The following GREB1 variants were observed in gnomAD, a reference collection of about 807,000 sequenced individuals.
GREB1 encodes the protein growth regulating estrogen receptor binding 1.
Under a neutral mutation model 200.7 loss-of-function variants are expected in GREB1, and 106 were observed. The ratio of observed to expected loss-of-function variants is 0.53; its 90% CI spans 0.45 to 0.62. The LOEUF is 0.62. GREB1 is among the 20% of genes least tolerant of loss of function. The probability of loss-of-function intolerance (pLI) is 0.00; values close to 1 mark genes in which losing one functional copy is unlikely to be tolerated. For synonymous variants in GREB1, 1,132 were observed against 1,092.4 expected (o/e 1.04, Z -0.72); for missense variants, 2,243 against 2,556.8 (o/e 0.88, Z 2.65).
chr2:11,630,161 C>T, intron 26 of GREB1, 52 bp downstream of exon 26: 2 of 1,572,454 alleles, frequency 1.3e-6, no homozygotes, highest in Non-Finnish European at 1.7e-6. Flanking sequence ...CAACTGGGGA[C>T]TGAGCCGGGG....
In GREB1 at chr2:11,492,606, G is replaced by A. The variant is rs1672796814; in HGVS notation, c.-159+10225G>A. Reference sequence around the variant, plus strand: ...AGTTCCCACTCACTGGGGCCTGTGAGTGCATGAATGGGGGTGGGGACAGTG... The same window carrying A: ...AGTTCCCACTCACTGGGGCCTGTGAATGCATGAATGGGGGTGGGGACAGTG... On this transcript the variant is annotated intron_variant, in intron 1 of 2. Transcript: ENST00000628795. This position sits in a 1 kb window ranked among gnomAD's most constrained non-coding sequence, Gnocchi z 4.0. Among the ~76,000 whole-genome samples the A allele has an allele frequency of 6.6e-6, 1 of 152,226 alleles. No homozygotes were observed. The highest frequency in any genetic ancestry group is 6.5e-5 in the Admixed American group (1 of 15,282).
chr2:11,574,932 A>G (rs1011951133), intron 4 of GREB1, among the ~76,000 whole-genome samples: 3 of 152,280 alleles, frequency 2.0e-5, no homozygotes, highest in Middle Eastern at 3.2e-3. Flanking sequence ...TAACTGTCCT[A>G]TGGCGAGGCC....
At chr2:11,545,786 A>G (rs577539788) in intron 1 of GREB1, among the ~76,000 whole-genome samples, 4 of 152,342 alleles carry the variant, frequency 2.6e-5, no homozygotes, top group Non-Finnish European at 5.9e-5. Flanking sequence ...AAGTAAGGTT[A>G]CAAATGGAAA....
At chr2:11,485,614 T>C (rs1251761935) in intron 1 of GREB1, among the ~76,000 whole-genome samples, 1 of 152,216 alleles carries the variant, frequency 6.6e-6, no homozygotes, top group African/African-American at 2.4e-5. Flanking sequence ...CACTTGTCAC[T>C]TTCAATAGGA....
intron 1 of GREB1, among the ~76,000 whole-genome samples, chr2:11,552,190 G>C (rs1675920919): frequency 6.6e-6 from 1 of 152,238 alleles, no homozygotes; most frequent in Admixed American, 6.5e-5. Context: ...TCACTGCCCT[G>C]ATGGGCACTG....
intron 19 of GREB1, 103 bp from the exon 20 acceptor site, chr2:11,614,988 A>C (rs1178249502): frequency 2.3e-6 from 2 of 853,050 alleles, no homozygotes; most frequent in Non-Finnish European, 4.0e-6. Context: ...GGTCCTCACC[A>C]GGAAGGTGGG....
intron 1 of GREB1, among the ~76,000 whole-genome samples, chr2:11,511,803 G>A (rs374498282): frequency 2.2e-4 from 33 of 152,296 alleles, no homozygotes; most frequent in African/African-American, 5.8e-4. Flanking sequence ...GTCTCACTGT[G>A]AACTGGGGAG....
rs368329579 is a variant in GREB1 at position 11,618,635 on chromosome 2, C to T, written c.3760C>T (p.Arg1254Cys). ...ASQCSLTKAC[R>C]QPPIVFLPKL... ...CCAGTGCTCCTTGACCAAGGCCTGC[C>T]GCCAGCCACCCATTGTCTTCTTGCC... The change falls in exon 22 of 33, where the codon CGC becomes TGC. Residue 1254 changes from arginine to cysteine, a missense_variant. Transcript: ENST00000381486. The T allele has an allele frequency of 2.7e-5, 44 of 1,613,348 alleles. No homozygotes were observed. Among genetic ancestry groups the T allele is most frequent in the Admixed American group, 1.3e-4 (8 of 59,990 alleles).
At chr2:11,598,094 C>T in intron 14 of GREB1, 116 bp downstream of exon 14, 1 of 803,738 alleles carries the variant, frequency 1.2e-6, no homozygotes, top group South Asian at 1.4e-5. Flanking sequence ...TATTGCTGCT[C>T]TTGTTTTATA....
At chr2:11,528,738 A>G (rs1270048052) in intron 1 of GREB1, among the ~76,000 whole-genome samples, 1 of 152,226 alleles carries the variant, frequency 6.6e-6, no homozygotes, top group Non-Finnish European at 1.5e-5. Flanking sequence ...ATGCCTATGA[A>G]ATAATGTATG....
intron 1 of GREB1, among the ~76,000 whole-genome samples, chr2:11,523,531 T>C (rs535821052): frequency 7.2e-4 from 109 of 152,312 alleles, no homozygotes; most frequent in South Asian, 1.0e-3. Context: ...GTAACGTGTG[T>C]CTTTCCTTGG....
rs371755423 is a variant in GREB1, at chr2:11,544,524, T to TA, written c.-162+10272dup. 1.4e-3 allele frequency among the ~76,000 whole-genome samples: 210 copies of TA among 152,232 alleles called. 1 individual carries two copies. Among genetic ancestry groups the TA allele is most frequent in the African/African-American group, 4.5e-3 (187 of 41,532 alleles). ...AGCCACTGCGCCCGGCCGAGCCTTTTAAGAGAAATCCATTTTTCACCTGTG... is the reference window on the plus strand; with the variant it reads ...AGCCACTGCGCCCGGCCGAGCCTTTTAAAGAGAAATCCATTTTTCACCTGTG... On this transcript the variant is annotated intron_variant, in intron 1 of 32. Coordinates refer to ENST00000381486, the MANE Select transcript of GREB1 (RefSeq NM_014668.4).
At chr2:11,612,473 A>C (rs1317267018) in intron 18 of GREB1, 22 bp from the exon 19 acceptor site, 2 of 1,577,810 alleles carry the variant, frequency 1.3e-6, no homozygotes, top group Non-Finnish European at 1.7e-6. Flanking sequence ...CTGTGGCTTT[A>C]TTTCTTTTTC....
At chr2:11,488,553 G>C (rs1209451713) in intron 1 of GREB1, among the ~76,000 whole-genome samples, 1 of 152,120 alleles carries the variant, frequency 6.6e-6, no homozygotes, top group Non-Finnish European at 1.5e-5. Flanking sequence ...CACTTTGGGA[G>C]GCCGATGTGG....
Position 11,629,980 on chromosome 2 carries a change from C to G in GREB1, c.4482C>G (p.Phe1494Leu). ...AGTCCACCCTGCACGCCTTTGCCTT[C>G]TCTTACTCCATGCTAGGAGAGGAGA... is the stretch of plus-strand genomic sequence containing the variant. ...LYESTLHAFAFSYSMLGEEIQ... is the reference protein window; with the variant it reads ...LYESTLHAFALSYSMLGEEIQ... The change falls in exon 26 of 33, where the codon TTC becomes TTG. Residue 1494 changes from phenylalanine (F) to leucine (L), a missense_variant. Transcript: ENST00000381486. The surrounding 1 kb of genome is among the most constrained non-coding windows in gnomAD (Gnocchi z 5.2). 1 of 1,614,222 alleles carries G rather than the reference C, an allele frequency of 6.2e-7. No homozygotes were observed. The highest frequency in any genetic ancestry group is 8.5e-7 in the Non-Finnish European group (1 of 1,180,028).
chr2:11,597,966 G>C lies in GREB1; in HGVS notation c.2140G>C (p.Val714Leu). ...EVTYQQTLLHVWHSGVLLELG... is the reference protein window; with the variant it reads ...EVTYQQTLLHLWHSGVLLELG... ...GACCTACCAGCAGACTCTGCTCCAT[G>C]TGTGGCATTCAGGTATGGGGCATTT... Residue 714 changes from valine to leucine, a missense_variant, in exon 14 of 33, where the codon GTG becomes CTG. This residue lies in a region of GREB1 where 1,178 missense variants were observed against 1,387.4 expected (regional missense o/e 0.85). Coordinates refer to ENST00000381486, the MANE Select transcript of GREB1 (RefSeq NM_014668.4). The surrounding 1 kb of genome is among the most constrained non-coding windows in gnomAD (Gnocchi z 4.1). The C allele has an allele frequency of 6.2e-7, 1 of 1,612,974 alleles. No homozygotes were observed. Among genetic ancestry groups the C allele is most frequent in the Non-Finnish European group, 8.5e-7 (1 of 1,179,134 alleles).
chr2:11,504,798 G>C (rs760348278), intron 1 of GREB1, among the ~76,000 whole-genome samples: 1 of 152,144 alleles, frequency 6.6e-6, no homozygotes, highest in Non-Finnish European at 1.5e-5. Context: ...TGAATAATTC[G>C]ACATTACTTT....
At chr2:11,541,814 C>T (rs77209521) in intron 1 of GREB1, among the ~76,000 whole-genome samples, 2 of 152,178 alleles carry the variant, frequency 1.3e-5, no homozygotes, top group Non-Finnish European at 2.9e-5. Context: ...CCTGCATACA[C>T]CTCATGCTGG....
intron 20 of GREB1, among the ~76,000 whole-genome samples, chr2:11,615,600 G>A (rs1407420076): frequency 6.6e-6 from 1 of 152,188 alleles, no homozygotes; most frequent in African/African-American, 2.4e-5. Flanking sequence ...AGATTTCTTA[G>A]AGTTCAAGTT....
Sources: allele counts gnomAD v4.1 joint callset (sites outside exome capture counted in the v4.1 genomes callset), GRCh38; gene constraint gnomAD v4.1.1; regional missense constraint gnomAD v4.1.1; non-coding constraint Gnocchi (gnomAD v3.1); transcripts MANE v1.5; gene names NCBI Gene and HGNC (gene_info 2026-07-23, HGNC 2026-07-21).